Variants in COBL observed in about 807,000 individuals in gnomAD.
The protein encoded by COBL is protein cordon-bleu.
A neutral mutation model predicts 98.8 loss-of-function variants in COBL; 51 were observed. The ratio of observed to expected loss-of-function variants is 0.52; its 90% confidence interval spans 0.41 to 0.65. The LOEUF (loss-of-function observed/expected upper bound fraction) is 0.65. Ranked by LOEUF, COBL falls within the 30% of genes least tolerant of loss-of-function variation. COBL has a pLI of 0.00. For synonymous variants in COBL, 634 were observed against 651.7 expected, an observed-to-expected ratio of 0.97 and a Z score of 0.41; for missense variants, 1,617 against 1,617.5, an observed-to-expected ratio of 1.00 and a Z score of 0.01.
chr7:51,259,500 A>T, intron 1 of COBL: 1 of 633,222 alleles, frequency 1.6e-6, no homozygotes, highest in South Asian at 1.6e-5. Context: ...CTCCTTGAGG[A>T]AACCCACTCT....
intron 6 of COBL, among the ~76,000 whole-genome samples, chr7:51,123,881 A>AC (rs1562939248): frequency 6.6e-6 from 1 of 151,916 alleles, no homozygotes; most frequent in East Asian, 1.9e-4. Context: ...GTCACCCTGC[A>AC]CCCCCCTCTG....
intron 6 of COBL, 128 bp from the exon 7 acceptor site, chr7:51,085,432 T>G: frequency 9.7e-7 from 1 of 1,034,134 alleles, no homozygotes; most frequent in Non-Finnish European, 1.4e-6. Context: ...AGGAGGGTTG[T>G]TAGATGGCCA....
chr7:51,110,110 T>C (rs1796689973), intron 6 of COBL, among the ~76,000 whole-genome samples: 1 of 152,236 alleles, frequency 6.6e-6, no homozygotes, highest in Admixed American at 6.5e-5. Flanking sequence ...AGCATTTCTT[T>C]GTATTGTAAA....
chr7:51,273,344 AAAG>A (rs1798965037), intron 1 of COBL, among the ~76,000 whole-genome samples: 3 of 151,696 alleles, frequency 2.0e-5, no homozygotes, highest in Non-Finnish European at 4.4e-5. Flanking sequence ...AAAAAAAAAA[AAAG>A]AAAAAGAAAA....
chr7:51,095,457 A>G (rs1198099060), intron 6 of COBL, among the ~76,000 whole-genome samples: 1 of 152,206 alleles, frequency 6.6e-6, no homozygotes, highest in Non-Finnish European at 1.5e-5. Context: ...CCAACAGAAT[A>G]AAAGAGCAAC....
chr7:51,044,132 A>G (rs1424160641), intron 7 of COBL, among the ~76,000 whole-genome samples: 1 of 152,198 alleles, frequency 6.6e-6, no homozygotes, highest in Non-Finnish European at 1.5e-5. Context: ...GTTTGGACAC[A>G]TCTGACGTGT....
At chr7:51,024,434 C>T (rs1336186795) in intron 12 of COBL, among the ~76,000 whole-genome samples, 1 of 152,212 alleles carries the variant, frequency 6.6e-6, no homozygotes, top group South Asian at 2.1e-4. Context: ...CAATCCATTA[C>T]TGAATCATGT....
chr7:51,019,305 T>C (rs1786679382), intron 12 of COBL, among the ~76,000 whole-genome samples: 1 of 151,984 alleles, frequency 6.6e-6, no homozygotes, highest in African/African-American at 2.4e-5. Flanking sequence ...AGGGAGCGTG[T>C]CTACCCTTCC....
intron 1 of COBL, among the ~76,000 whole-genome samples, chr7:51,276,883 G>A (rs1034783056): frequency 6.6e-6 from 1 of 152,220 alleles, no homozygotes; most frequent in Non-Finnish European, 1.5e-5. Flanking sequence ...ACCATACAAG[G>A]GAGAGGAGTC....
Position 51,225,575 on chromosome 7 carries a change from T to C in COBL, c.42-5631A>G, listed in dbSNP as rs961977598. 2.0e-5 allele frequency among the ~76,000 whole-genome samples: 3 copies of C among 152,336 alleles called. No homozygotes were observed. In the East Asian group the frequency reaches 5.8e-4, roughly 29 times the overall value. On this transcript the variant is annotated intron_variant, in intron 1 of 12. Transcript: ENST00000265136. ...TCAAGCTTCCTTTGATCTATTCAGG[T>C]TGAAAAACCTGGGTGTGCCCTGGCA...
chr7:51,136,306 G>A lies in COBL; in HGVS notation c.809C>T (p.Pro270Leu), dbSNP rs567572790. 3 of 1,613,648 alleles carry A rather than the reference G, an allele frequency of 1.9e-6. No homozygotes were observed. Among genetic ancestry groups the A allele is most frequent in the East Asian group, 4.5e-5 (2 of 44,862 alleles). The change falls in exon 6 of 13, where the codon CCA becomes CTA. Residue 270 changes from proline (P) to leucine (L), a missense_variant. This residue lies in a region of COBL where 1,304 missense variants were observed against 1,282.0 expected (regional missense o/e 1.02). Transcript: ENST00000265136. ...CGTAAGAGAACGTGAGTGCATGGATGGGGAGTTGGGGGTCGTTAAACAGCC... is the reference window on the plus strand; with the variant it reads ...CGTAAGAGAACGTGAGTGCATGGATAGGGAGTTGGGGGTCGTTAAACAGCC... Reference protein sequence around the residue: ...SKGCLTTPNSPSMHSRSLTLG... With the variant: ...SKGCLTTPNSLSMHSRSLTLG...
At chr7:51,271,161 T>C (rs1182724519) in intron 1 of COBL, among the ~76,000 whole-genome samples, 1 of 152,216 alleles carries the variant, frequency 6.6e-6, no homozygotes, top group Non-Finnish European at 1.5e-5. Context: ...CCATGGCTGC[T>C]TTCTCCATAT....
At chr7:51,100,767 G>A (rs898410246) in intron 6 of COBL, among the ~76,000 whole-genome samples, 1 of 152,084 alleles carries the variant, frequency 6.6e-6, no homozygotes. Flanking sequence ...TCAGGGCATG[G>A]TGGCCCACAC....
At chr7:51,309,387 T>C (rs1291950346) in intron 1 of COBL, among the ~76,000 whole-genome samples, 1 of 152,144 alleles carries the variant, frequency 6.6e-6, no homozygotes, top group East Asian at 1.9e-4. Context: ...AGCCCAGGAC[T>C]CCCGAGGTGG....
intron 11 of COBL, 103 bp from the exon 12 acceptor site, chr7:51,025,475 G>T (rs1787460311): frequency 1.6e-6 from 2 of 1,227,464 alleles, no homozygotes; most frequent in Admixed American, 2.1e-5. Context: ...GATGAGGATT[G>T]GGGGTGACTA....
chr7:51,090,300 T>C (rs1469405691), intron 6 of COBL, among the ~76,000 whole-genome samples: 1 of 152,136 alleles, frequency 6.6e-6, no homozygotes, highest in Non-Finnish European at 1.5e-5. Flanking sequence ...AGAAACCAGT[T>C]AAGAAGGCAC....
chr7:51,124,355 T>C (rs1008566879), intron 6 of COBL, among the ~76,000 whole-genome samples: 1 of 152,082 alleles, frequency 6.6e-6, no homozygotes, highest in Non-Finnish European at 1.5e-5. Flanking sequence ...CAATCTCCAA[T>C]TGATTTAGCA....
At chr7:51,096,036 C>G (rs1456385872) in intron 6 of COBL, among the ~76,000 whole-genome samples, 2 of 152,142 alleles carry the variant, frequency 1.3e-5, no homozygotes, top group Admixed American at 6.5e-5. Flanking sequence ...CCAATGGGAT[C>G]TAACAGATAC....
chr7:51,072,259 C>A (rs1324859192), intron 7 of COBL: 1 of 152,052 alleles, frequency 6.6e-6, no homozygotes, highest in African/African-American at 2.4e-5. Context: ...TCAAAGCAAG[C>A]AAGAACTAGT....
Sources: allele counts gnomAD v4.1 joint callset (sites outside exome capture counted in the v4.1 genomes callset), GRCh38; gene constraint gnomAD v4.1.1; regional missense constraint gnomAD v4.1.1; transcripts MANE v1.5; gene names NCBI Gene and HGNC (gene_info 2026-07-23, HGNC 2026-07-21).